Variants in TAFA1 observed in about 807,000 individuals in gnomAD.
TAFA1 encodes chemokine-like protein TAFA-1.
A neutral mutation model predicts 18.5 loss-of-function variants in TAFA1; 4 were observed. That is an observed-to-expected ratio of 0.22 (90% confidence interval 0.11 to 0.49). TAFA1 has a LOEUF of 0.49. Among genes scored for constraint, TAFA1 ranks in the 20% least tolerant of loss-of-function variants. The probability of loss-of-function intolerance (pLI) is 0.98; values close to 1 mark genes in which losing one functional copy is unlikely to be tolerated. For missense variants in TAFA1, 147 were observed against 169.0 expected, an observed-to-expected ratio of 0.87 and a Z score of 0.72; for synonymous variants, 56 against 55.2, an observed-to-expected ratio of 1.01 and a Z score of -0.06.
chr3:68,319,606 G>C (rs1236716790), intron 2 of TAFA1, among the ~76,000 whole-genome samples: 1 of 152,212 alleles, frequency 6.6e-6, no homozygotes, highest in Non-Finnish European at 1.5e-5. Context: ...ACGCATTGCT[G>C]TTGTTTGCCA....
At chr3:68,251,798 G>A (rs1372015268) in intron 2 of TAFA1, among the ~76,000 whole-genome samples, 1 of 152,186 alleles carries the variant, frequency 6.6e-6, no homozygotes, top group Non-Finnish European at 1.5e-5. Flanking sequence ...AAGCCTTGGA[G>A]GGCAGGAAAA....
intron 3 of TAFA1, among the ~76,000 whole-genome samples, chr3:68,443,403 T>A (rs2071420227): frequency 1.3e-5 from 2 of 151,022 alleles, no homozygotes; most frequent in Admixed American, 6.6e-5. Flanking sequence ...CATGAATAGT[T>A]TCTCCATCAG....
chr3:68,039,654 C>T (rs1222283440), intron 2 of TAFA1, among the ~76,000 whole-genome samples: 4 of 152,144 alleles, frequency 2.6e-5, no homozygotes, highest in Admixed American at 6.6e-5. Context: ...CGCATTACCC[C>T]AGATGCAGAC....
At chr3:68,349,785 T>G (rs2069232404) in intron 2 of TAFA1, among the ~76,000 whole-genome samples, 1 of 152,040 alleles carries the variant, frequency 6.6e-6, no homozygotes, top group Admixed American at 6.6e-5. Flanking sequence ...GGCCATTAGG[T>G]CTTAGATTAT....
intron 2 of TAFA1, among the ~76,000 whole-genome samples, chr3:68,291,391 A>T (rs147725192): frequency 1.2e-3 from 188 of 152,212 alleles, no homozygotes; most frequent in Middle Eastern, 6.8e-3. Flanking sequence ...GCTTTGTTAA[A>T]CCCTTTACAG....
Position 68,472,292 on chromosome 3 carries a change from G to T in TAFA1, c.259+54872G>T, listed in dbSNP as rs1285501295. On this transcript the variant is annotated intron_variant, in intron 3 of 4. Transcript: ENST00000478136. ...TTTCCCCATACAAACTCTCTTGCCT[G>T]CCACCATGTAAGAAGTCACTTTGCT... 2.6e-5 allele frequency among the ~76,000 whole-genome samples: 4 copies of T among 152,078 alleles called. No individual in the cohort carries two copies. In the East Asian group the frequency reaches 7.7e-4, roughly 29 times the overall value.
At chr3:68,234,867 A>C (rs1290174598) in intron 2 of TAFA1, among the ~76,000 whole-genome samples, 1 of 152,198 alleles carries the variant, frequency 6.6e-6, no homozygotes, top group African/African-American at 2.4e-5. Context: ...TGATTCAAAC[A>C]ATGTAGTTTG....
chr3:68,307,574 T>C (rs995843087), intron 2 of TAFA1, among the ~76,000 whole-genome samples: 6 of 152,188 alleles, frequency 3.9e-5, no homozygotes, highest in Non-Finnish European at 7.3e-5. Flanking sequence ...CAGTTCTTAT[T>C]TGTGGTTTTA....
intron 2 of TAFA1, among the ~76,000 whole-genome samples, chr3:68,146,449 T>C (rs1230755683): frequency 6.6e-6 from 1 of 152,212 alleles, no homozygotes; most frequent in Non-Finnish European, 1.5e-5. Context: ...CAGAGGCTAG[T>C]GTGGAACAAG....
chr3:68,178,520 A>C (rs1189032925), intron 2 of TAFA1, among the ~76,000 whole-genome samples: 3 of 152,216 alleles, frequency 2.0e-5, no homozygotes, highest in Admixed American at 6.5e-5. Flanking sequence ...ATTAATTCAG[A>C]GTGTTCAGGG....
At chr3:68,079,465 C>T (rs551115786) in intron 2 of TAFA1, among the ~76,000 whole-genome samples, 1 of 152,070 alleles carries the variant, frequency 6.6e-6, no homozygotes, top group East Asian at 1.9e-4. Context: ...TATAAATTTC[C>T]CTCTACACAC....
chr3:68,200,748 T>A (rs1033524940), intron 2 of TAFA1, among the ~76,000 whole-genome samples: 7 of 151,650 alleles, frequency 4.6e-5, no homozygotes, highest in Non-Finnish European at 7.4e-5. Context: ...TCTTCTTTTT[T>A]TTAAAATTAG....
chr3:68,068,120 C>T (rs955811035), intron 2 of TAFA1, among the ~76,000 whole-genome samples: 3 of 152,074 alleles, frequency 2.0e-5, no homozygotes, highest in African/African-American at 7.2e-5. Flanking sequence ...GCATTGTTGA[C>T]TAGAGATTAG....
At chr3:68,414,637 A>G (rs2070777025) in intron 2 of TAFA1, among the ~76,000 whole-genome samples, 1 of 152,196 alleles carries the variant, frequency 6.6e-6, no homozygotes, top group Non-Finnish European at 1.5e-5. Context: ...TCAGAGCTCC[A>G]GAAATGGCAT....
intron 2 of TAFA1, among the ~76,000 whole-genome samples, chr3:68,159,187 C>A (rs2106936150): frequency 6.6e-6 from 1 of 152,284 alleles, no homozygotes; most frequent in South Asian, 2.1e-4. Context: ...AAGATGATAG[C>A]ACACCACCTG....
At chr3:68,068,667 T>A (rs1216865133) in intron 2 of TAFA1, among the ~76,000 whole-genome samples, 1 of 152,230 alleles carries the variant, frequency 6.6e-6, no homozygotes, top group African/African-American at 2.4e-5. Flanking sequence ...TTCAAAATTA[T>A]TCTTTGCCTG....
At chr3:68,145,671 T>G (rs927961310) in intron 2 of TAFA1, 23 of 929,640 alleles carry the variant, frequency 2.5e-5, no homozygotes, top group Non-Finnish European at 4.1e-5. Context: ...TTCAGAATCC[T>G]GTATACTGAC....
intron 3 of TAFA1, among the ~76,000 whole-genome samples, chr3:68,505,543 C>T (rs1341349994): frequency 6.6e-6 from 1 of 152,152 alleles, no homozygotes; most frequent in African/African-American, 2.4e-5. Context: ...CAATGTCTTA[C>T]CAGGGTGCAA....
chr3:68,314,510 G>A (rs912687404), intron 2 of TAFA1, among the ~76,000 whole-genome samples: 4 of 152,114 alleles, frequency 2.6e-5, no homozygotes, highest in Non-Finnish European at 5.9e-5. Context: ...AGATAAAAAT[G>A]ATTGACAAAT....
Sources: allele counts gnomAD v4.1 joint callset (sites outside exome capture counted in the v4.1 genomes callset), GRCh38; gene constraint gnomAD v4.1.1; transcripts MANE v1.5; gene names NCBI Gene and HGNC (gene_info 2026-07-23, HGNC 2026-07-21).